PHIP: variants seen among roughly 807,000 people sequenced by gnomAD.
The protein encoded by PHIP is PH-interacting protein.
PHIP carries 54 observed loss-of-function variants against 236.8 expected under a neutral mutation model. The ratio of observed to expected loss-of-function variants is 0.23; its 90% CI spans 0.18 to 0.29. The LOEUF is 0.29. PHIP is among the 10% of genes least tolerant of loss of function. The pLI, the probability that PHIP is intolerant of heterozygous loss-of-function variation, is 1.00. For synonymous variants in PHIP, 756 were observed against 718.9 expected (o/e 1.05, Z -0.83); for missense variants, 1,370 against 2,190.8 (o/e 0.63, Z 7.48).
At chr6:79,020,991 G>T (rs1771089617) in intron 9 of PHIP, among the ~76,000 whole-genome samples, 1 of 152,194 alleles carries the variant, frequency 6.6e-6, no homozygotes, top group Admixed American at 6.5e-5. Context: ...AAATCAGTAA[G>T]GTTAGTTTAA....
chr6:79,000,764 T>C (rs1384119409), intron 17 of PHIP, among the ~76,000 whole-genome samples: 1 of 152,088 alleles, frequency 6.6e-6, no homozygotes, highest in South Asian at 2.1e-4. Context: ...GAATACTACT[T>C]ATTCTTTGAG....
At chr6:79,072,450 G>A (rs144768962) in intron 4 of PHIP, among the ~76,000 whole-genome samples, 41 of 151,474 alleles carry the variant, frequency 2.7e-4, no homozygotes, top group African/African-American at 8.7e-4. Context: ...TCATCCTTGA[G>A]TCTATAAAGT....
chr6:79,021,906 T>C (rs1348474516), intron 9 of PHIP, among the ~76,000 whole-genome samples: 5 of 152,186 alleles, frequency 3.3e-5, no homozygotes, highest in Admixed American at 3.3e-4. Flanking sequence ...GGATAAATGC[T>C]TAAAGGGATG....
intron 15 of PHIP, 133 bp downstream of exon 15, chr6:79,014,949 C>A: frequency 1.6e-6 from 1 of 635,950 alleles, no homozygotes; most frequent in South Asian, 2.4e-5. Flanking sequence ...ATAAATCATT[C>A]TTTATTGATG....
At chr6:79,044,548 C>A (rs1480252502) in intron 6 of PHIP, among the ~76,000 whole-genome samples, 1 of 152,112 alleles carries the variant, frequency 6.6e-6, no homozygotes, top group Non-Finnish European at 1.5e-5. Context: ...ATCATCTTAT[C>A]CAAACACCAA....
chr6:79,043,526 TAATTA>T (rs1357863032), intron 6 of PHIP, among the ~76,000 whole-genome samples: 1 of 152,066 alleles, frequency 6.6e-6, no homozygotes, highest in African/African-American at 2.4e-5. Context: ...TAAAAAATAA[TAATTA>T]AACTGGGAAT....
Position 78,970,108 on chromosome 6 carries a change from A to G in PHIP, c.3063T>C (p.Leu1021=), listed in dbSNP as rs763622999. The G allele has an allele frequency of 1.2e-6, 2 of 1,612,938 alleles. No homozygotes were observed. The highest frequency in any genetic ancestry group is 4.5e-5 in the East Asian group (2 of 44,808). ...YEVGLPTLCC[L]KLAFLDPDTG... is the part of the protein sequence containing the mutation. The stretch of plus-strand genomic sequence containing the variant: ...TATCAGGATCTAGAAAAGCAAGTTT[A>G]AGGCAGCAAAGGGTAGGTAATCCCA... Residue 1021 remains leucine, a synonymous_variant, in exon 26 of 40, where the codon CTT becomes CTC. Transcript: ENST00000275034.
chr6:79,026,050 T>C lies in PHIP; in HGVS notation c.715A>G (p.Met239Val), dbSNP rs1483092371. The C allele has an allele frequency of 2.5e-6, 4 of 1,613,866 alleles. No homozygotes were observed. Among genetic ancestry groups the C allele is most frequent in the Non-Finnish European group, 3.4e-6 (4 of 1,179,898 alleles). ...SDMAVNYENT[M>V]IAAGSCDKMI... ...TTATCACAACTTCCAGCTGCTATCA[T>C]GGTATTCTCATAGTTTACAGCCATG... is the stretch of plus-strand genomic sequence containing the variant. Residue 239 changes from methionine (M) to valine (V), a missense_variant, in exon 8 of 40, where the codon ATG (methionine) becomes GTG (valine). Physicochemically the swap from Met to Val is conservative, Grantham distance 21 (BLOSUM62 1). Coordinates refer to ENST00000275034, the MANE Select transcript of PHIP (RefSeq NM_017934.7).
Position 79,046,179 on chromosome 6 carries a change from A to C in PHIP, c.440-3176T>G, listed in dbSNP as rs189121642. On this transcript the variant is annotated intron_variant, in intron 6 of 39. Transcript: ENST00000275034. Reference sequence around the variant, plus strand: ...GCCACTCCAATCTCCTGTTCTTCCAACACACCAGGTGTGCTCCAAACTTAG... The same window carrying C: ...GCCACTCCAATCTCCTGTTCTTCCACCACACCAGGTGTGCTCCAAACTTAG... Among the ~76,000 whole-genome samples, 12 of 152,200 alleles carry C rather than the reference A, an allele frequency of 7.9e-5. No individual in the cohort carries two copies. The East Asian group carries it at 2.3e-3, about 29-fold the overall frequency.
intron 6 of PHIP, among the ~76,000 whole-genome samples, chr6:79,059,596 T>TAC (rs1554212524): frequency 1.2e-4 from 7 of 60,116 alleles, no homozygotes; most frequent in Non-Finnish European, 2.4e-4. Context: ...CAAAATTATA[T>TAC]ATATATATAT....
chr6:79,039,881 A>G (rs1171294564), intron 7 of PHIP, among the ~76,000 whole-genome samples: 1 of 152,094 alleles, frequency 6.6e-6, no homozygotes, highest in East Asian at 1.9e-4. Flanking sequence ...CAATTATGCT[A>G]TTTCCCTCCT....
At chr6:79,027,432 A>AG (rs1771461417) in intron 7 of PHIP, among the ~76,000 whole-genome samples, 2 of 152,144 alleles carry the variant, frequency 1.3e-5, no homozygotes, top group Non-Finnish European at 2.9e-5. Context: ...ACCTCACCTC[A>AG]GGCTCTTCAT....
At chr6:79,050,291 T>C (rs1339669943) in intron 6 of PHIP, among the ~76,000 whole-genome samples, 1 of 152,174 alleles carries the variant, frequency 6.6e-6, no homozygotes, top group African/African-American at 2.4e-5. Flanking sequence ...TGCCAGGCAC[T>C]ATTCTAAATA....
At chr6:79,076,429 C>T (rs1774164039) in intron 4 of PHIP, among the ~76,000 whole-genome samples, 2 of 152,092 alleles carry the variant, frequency 1.3e-5, no homozygotes, top group South Asian at 4.1e-4. Flanking sequence ...TTTAACTGCC[C>T]CACACACATA....
intron 38 of PHIP, chr6:78,945,752 G>T: frequency 1.7e-6 from 1 of 597,822 alleles, no homozygotes; most frequent in Non-Finnish European, 2.9e-6. Context: ...AGCTAGTGTG[G>T]GTACTGTGAT....
At position 79,059,591 on chromosome 6, in the gene PHIP, T is replaced by TTATATATATATA. The variant is rs72226338; in HGVS notation, c.439+875_439+886dup. Among the ~76,000 whole-genome samples, 439 of 84,584 alleles carry TTATATATATATA rather than the reference T, an allele frequency of 5.2e-3. 1 individual carries two copies. Among genetic ancestry groups the TTATATATATATA allele is most frequent in the African/African-American group, 0.011 (229 of 21,052 alleles). The allele number at this position is 84,584 out of a possible 152,430, so 55.5% of individuals were successfully genotyped here. ...AGGAAACAAAAAGTTGAAAGCAAAA[T>TTATATATATATA]TATATATATATATATATATATATAT... On this transcript the variant is annotated intron_variant, in intron 6 of 39. Transcript: ENST00000275034.
At chr6:79,045,520 T>C (rs1252669394) in intron 6 of PHIP, among the ~76,000 whole-genome samples, 1 of 152,100 alleles carries the variant, frequency 6.6e-6, no homozygotes. Flanking sequence ...TAGAGCCTTT[T>C]AAATTAAAAA....
intron 4 of PHIP, among the ~76,000 whole-genome samples, chr6:79,066,105 A>G (rs1351147732): frequency 6.6e-6 from 1 of 152,104 alleles, no homozygotes; most frequent in Non-Finnish European, 1.5e-5. Context: ...GTAATCTGCC[A>G]TACAATATTA....
intron 17 of PHIP, among the ~76,000 whole-genome samples, chr6:78,999,960 T>C (rs1279634260): frequency 6.6e-6 from 1 of 151,990 alleles, no homozygotes; most frequent in African/African-American, 2.4e-5. Context: ...TAATCTGATA[T>C]AGCTCAAGTT....
Sources: allele counts gnomAD v4.1 joint callset (sites outside exome capture counted in the v4.1 genomes callset), GRCh38; gene constraint gnomAD v4.1.1; transcripts MANE v1.5; gene names NCBI Gene and HGNC (gene_info 2026-07-23, HGNC 2026-07-21).